The following HNRNPA2B1 variants were observed in gnomAD, a reference collection of about 807,000 sequenced individuals.
HNRNPA2B1 encodes heterogeneous nuclear ribonucleoproteins A2/B1.
HNRNPA2B1 carries 3 observed loss-of-function variants against 46.3 expected under a neutral mutation model. The ratio of observed to expected loss-of-function variants is 0.06; its 90% CI spans 0.03 to 0.17. The LOEUF (loss-of-function observed/expected upper bound fraction) is 0.17, where lower values mean the gene tolerates loss of function less well. Ranked by LOEUF, HNRNPA2B1 falls within the 10% of genes least tolerant of loss-of-function variation. The probability of loss-of-function intolerance (pLI) is 1.00; values close to 1 mark genes in which losing one functional copy is unlikely to be tolerated. For synonymous variants in HNRNPA2B1, 225 were observed against 133.8 expected (o/e 1.68, Z -4.70); for missense variants, 221 against 418.9 (o/e 0.53, Z 4.12).
At chr7:26,197,926 T>TTTTTTTTTTA in intron 1 of HNRNPA2B1, 194 bp from the exon 2 acceptor site, 3 of 1,302,000 alleles carry the variant, frequency 2.3e-6, no homozygotes, top group African/African-American at 3.0e-5. Flanking sequence ...GCATATTAGT[T>TTTTTTTTTTA]GTGTTACACC....
chr7:26,192,664 C>A lies in HNRNPA2B1; in HGVS notation c.965-87G>T, dbSNP rs1783033099. 27 of 1,085,112 alleles carry A rather than the reference C, an allele frequency of 2.5e-5. No homozygotes were observed. In the South Asian group the frequency reaches 3.3e-4, roughly 13 times the overall value. The allele number at this position is 1,085,112 out of a possible 1,614,324, so 67.2% of individuals were successfully genotyped here. ...CACTACAGTTGATTCTATTTTATAT[C>A]CATCCAGTCTTTTAAACAAGCAGAT... On this transcript the variant is annotated intron_variant, in intron 9 of 10. Transcript: ENST00000618183.
intron 3 of HNRNPA2B1, 88 bp downstream of exon 3, chr7:26,197,227 A>C (rs575582615): frequency 1.4e-6 from 2 of 1,435,532 alleles, no homozygotes; most frequent in Non-Finnish European, 1.9e-6. Context: ...AAAAATCTTG[A>C]GTTAAAACTA....
rs374538114 is a variant in HNRNPA2B1, at chr7:26,195,824, C to T, written c.721+23G>A. On this transcript the variant is annotated intron_variant, in intron 7 of 10. Transcript: ENST00000618183. ...GTTAAGTATTAGTCACATAAACAAA[C>T]CAAAACGTAGAGGAAAACTGACCTC... 10 of 1,605,518 alleles carry T rather than the reference C, an allele frequency of 6.2e-6. No individual in the cohort carries two copies. In the African/African-American group the frequency reaches 1.1e-4, roughly 17 times the overall value.
At chr7:26,198,682 A>G (rs1228933359) in intron 1 of HNRNPA2B1, 1 of 152,276 alleles carries the variant, frequency 6.6e-6, no homozygotes, top group Non-Finnish European at 1.5e-5. Flanking sequence ...TATTCTGGGC[A>G]CTTATGAATG....
intron 3 of HNRNPA2B1, 26 bp downstream of exon 3, chr7:26,197,289 G>A (rs1343197758): frequency 2.5e-6 from 4 of 1,588,038 alleles, no homozygotes; most frequent in Admixed American, 3.6e-5. Context: ...TCATGTTAAT[G>A]CACAAGACAG....
chr7:26,193,120 A>T, intron 9 of HNRNPA2B1, 131 bp downstream of exon 9: 1 of 864,116 alleles, frequency 1.2e-6, no homozygotes. Flanking sequence ...AAATTTCTTT[A>T]TTTTCACTAA....
chr7:26,196,237 A>C (rs929198571), intron 6 of HNRNPA2B1, among the ~76,000 whole-genome samples, 164 bp downstream of exon 6: 6 of 152,200 alleles, frequency 3.9e-5, no homozygotes, highest in Admixed American at 6.5e-5. Flanking sequence ...CAACTCTATT[A>C]ACTTCTTGTC....
At chr7:26,196,173 G>T (rs956250550) in intron 6 of HNRNPA2B1, among the ~76,000 whole-genome samples, 1 of 152,042 alleles carries the variant, frequency 6.6e-6, no homozygotes, top group South Asian at 2.1e-4. Context: ...AAAGCTTTTC[G>T]GATGACACTT....
Position 26,193,420 on chromosome 7 carries a change from G to A in HNRNPA2B1, c.842-47C>T, listed in dbSNP as rs373584506. 142 of 1,571,466 alleles carry A rather than the reference G, an allele frequency of 9.0e-5. No individual in the cohort carries two copies. The Middle Eastern group carries it at 7.3e-3, about 80-fold the overall frequency. On this transcript the variant is annotated intron_variant, in intron 8 of 10. Transcript: ENST00000618183. ...CAGAACAATACAAACATTAAACCAA[G>A]GACTTAGGACAAAGCTCCCATAAAA...
chr7:26,197,076 A>G, intron 3 of HNRNPA2B1, 59 bp from the exon 4 acceptor site: 3 of 1,375,276 alleles, frequency 2.2e-6, no homozygotes, highest in Middle Eastern at 1.8e-4. Flanking sequence ...CATAATTCAA[A>G]GCACCCAACC....
In HNRNPA2B1 at chr7:26,200,710, G is replaced by A. The variant is rs755448752; in HGVS notation, c.-133C>T. ...CGCTGCTCGAGAAACAACTCTGCGA[G>A]GAGCACCTCCGCACGGGACCCGGCG... On this transcript the variant is annotated 5_prime_UTR_variant, in exon 1 of 11. Transcript: ENST00000618183. The A allele has an allele frequency of 1.7e-5, 20 of 1,153,810 alleles. No individual in the cohort carries two copies. Among genetic ancestry groups the A allele is most frequent in the Admixed American group, 5.1e-5 (3 of 59,024 alleles). 71.5% of individuals were successfully genotyped at this position (1,153,810 alleles called of 1,614,324 possible).
rs529698240 is a variant in HNRNPA2B1 at position 26,196,714 on chromosome 7, C to CTTTTTAACCTTA, written c.476-57_476-56insTAAGGTTAAAAA. 252 of 1,570,286 alleles carry CTTTTTAACCTTA rather than the reference C, an allele frequency of 1.6e-4. 1 individual carries two copies. In the East Asian group the frequency reaches 4.7e-3, roughly 29 times the overall value. On this transcript the variant is annotated intron_variant, in intron 4 of 10. Coordinates refer to ENST00000618183, the MANE Select transcript of HNRNPA2B1 (RefSeq NM_002137.4). Reference sequence around the variant, plus strand: ...TTAAATCAACAATATTAAGCAGCTTCAAAAGTTTACCTTTCAATAAAGTTA... The same window carrying CTTTTTAACCTTA: ...TTAAATCAACAATATTAAGCAGCTTCTTTTTAACCTTAAAAAGTTTACCTTTCAATAAAGTTA...
chr7:26,195,575 CAA>C, intron 7 of HNRNPA2B1: 1 of 382,030 alleles, frequency 2.6e-6, no homozygotes, highest in Non-Finnish European at 4.7e-6. Flanking sequence ...GAAGCACGTA[CAA>C]AGATATATCT....
intron 1 of HNRNPA2B1, chr7:26,199,895 T>A (rs868281873): frequency 6.6e-6 from 1 of 152,006 alleles, no homozygotes; most frequent in Middle Eastern, 3.4e-3. Flanking sequence ...CGCTCTTCGG[T>A]GTGGCTTCCG....
At chr7:26,194,762 C>A in intron 7 of HNRNPA2B1, among the ~76,000 whole-genome samples, 1 of 148,456 alleles carries the variant, frequency 6.7e-6, no homozygotes, top group Admixed American at 6.7e-5. Flanking sequence ...CGGACATAAA[C>A]AAAAATTTAC....
chr7:26,194,859 G>A (rs1358261160), intron 7 of HNRNPA2B1, among the ~76,000 whole-genome samples: 1 of 151,550 alleles, frequency 6.6e-6, no homozygotes, highest in African/African-American at 2.4e-5. Flanking sequence ...TTTTTGGGAG[G>A]CCAAGGTGGG....
rs533171854 is a variant in HNRNPA2B1, at chr7:26,193,817, A to G, written c.722-123T>C. ...GAAATATTTAATGAAATTCCTCTAAAATAGCTTCAAGGACTGAATAACTAT... is the reference window on the plus strand; with the variant it reads ...GAAATATTTAATGAAATTCCTCTAAGATAGCTTCAAGGACTGAATAACTAT... On this transcript the variant is annotated intron_variant, in intron 7 of 10. Coordinates refer to ENST00000618183, the MANE Select transcript of HNRNPA2B1 (RefSeq NM_002137.4). 3.7e-4 allele frequency: 320 copies of G among 873,966 alleles called. 1 individual carries two copies. Among genetic ancestry groups the G allele is most frequent in the South Asian group, 1.3e-3 (82 of 63,572 alleles). The allele number at this position is 873,966 out of a possible 1,614,324, so 54.1% of individuals were successfully genotyped here.
Position 26,197,900 on chromosome 7 carries a change from A to T in HNRNPA2B1, c.7-168T>A, listed in dbSNP as rs776985627. ...AAAAAAAAAACTTACATCAAATTTA[A>T]ACCATATGTTAAACTGCATATTAGT... On this transcript the variant is annotated intron_variant, in intron 1 of 10. Transcript: ENST00000618183. The T allele has an allele frequency of 5.2e-6, 8 of 1,541,350 alleles. No individual in the cohort carries two copies. The East Asian group carries it at 1.8e-4, about 35-fold the overall frequency.
At chr7:26,197,152 A>T (rs1783735856) in intron 3 of HNRNPA2B1, 135 bp from the exon 4 acceptor site, 7 of 1,130,378 alleles carry the variant, frequency 6.2e-6, no homozygotes. Flanking sequence ...TTAGGGACCT[A>T]GCTTTTGAAA....
Sources: gnomAD v4.1 joint callset for allele counts (sites outside exome capture counted in the v4.1 genomes callset) on GRCh38, gnomAD v4.1.1 for gene constraint, MANE v1.5 for transcripts, NCBI Gene and HGNC (gene_info 2026-07-23, HGNC 2026-07-21) for gene names.